The following NTRK1 variants were observed in gnomAD, a reference collection of about 807,000 sequenced individuals.
The protein encoded by NTRK1 is high affinity nerve growth factor receptor.
NTRK1 carries 62 observed loss-of-function variants against 86.8 expected under a neutral mutation model. That is an observed-to-expected ratio of 0.71 (90% CI 0.58 to 0.88). The LOEUF (loss-of-function observed/expected upper bound fraction) is 0.88, where lower values mean the gene tolerates loss of function less well. Among genes scored for constraint, NTRK1 ranks in the 40% least tolerant of loss-of-function variants. The probability of loss-of-function intolerance (pLI) is 0.00; values close to 1 mark genes in which losing one functional copy is unlikely to be tolerated. For missense variants in NTRK1, 967 were observed against 1,078.4 expected (o/e 0.90, Z 1.45); for synonymous variants, 469 against 456.6 (o/e 1.03, Z -0.35).
chr1:156,820,287 C>T (rs894999766), intron 1 of NTRK1, among the ~76,000 whole-genome samples: 1 of 152,200 alleles, frequency 6.6e-6, no homozygotes, highest in Non-Finnish European at 1.5e-5. Context: ...CACTCTGTCA[C>T]CAAGGCTGTA....
chr1:156,838,918 C>G (rs1265708203), intron 1 of NTRK1, among the ~76,000 whole-genome samples: 1 of 152,226 alleles, frequency 6.6e-6, no homozygotes, highest in Non-Finnish European at 1.5e-5. Context: ...CCTGTGTGCT[C>G]TGTGTGAGTG....
chr1:156,854,735 T>A lies in NTRK1; in HGVS notation c.51-9619T>A, dbSNP rs769255777. 2.0e-5 allele frequency among the ~76,000 whole-genome samples: 3 copies of A among 152,126 alleles called. No homozygotes were observed. Among genetic ancestry groups the A allele is most frequent in the Admixed American group, 6.5e-5 (1 of 15,276 alleles). On this transcript the variant is annotated intron_variant, in intron 2 of 16. Transcript: ENST00000392302. The surrounding 1 kb of genome is among the most constrained non-coding windows in gnomAD (Gnocchi z 4.2). ...GTCAACACCTTCACAGCTTCCACCA[T>A]CATCTTCCCCTGGATTGACAGTCAT...
At position 156,861,041 on chromosome 1, in the gene NTRK1, G is replaced by T; in HGVS notation, c.107G>T (p.Cys36Phe). The part of the protein sequence containing the change: ...LILASAGAAP[C>F]PDACCPHGSS... Reference sequence around the variant, plus strand: ...CTGGCATCTGCGGGCGCCGCACCCTGCCCCGATGCCTGCTGCCCCCACGGC... The same window carrying T: ...CTGGCATCTGCGGGCGCCGCACCCTTCCCCGATGCCTGCTGCCCCCACGGC... The change falls in exon 1 of 17, where the codon TGC becomes TTC. Residue 36 changes from cysteine to phenylalanine, a missense_variant. Transcript: ENST00000524377. 6.4e-7 allele frequency: 1 copy of T among 1,552,500 alleles called. No homozygotes were observed.
chr1:156,818,439 G>A (rs1275420947), intron 1 of NTRK1, among the ~76,000 whole-genome samples: 1 of 152,174 alleles, frequency 6.6e-6, no homozygotes, highest in Non-Finnish European at 1.5e-5. Context: ...CACCCAAGCA[G>A]TGTACACTGT....
chr1:156,831,247 G>T (rs1654461763), intron 1 of NTRK1, among the ~76,000 whole-genome samples: 1 of 152,204 alleles, frequency 6.6e-6, no homozygotes, highest in South Asian at 2.1e-4. Flanking sequence ...AGGATGTGGA[G>T]GCGGGATGGT....
intron 2 of NTRK1, chr1:156,853,695 C>T: frequency 6.6e-7 from 1 of 1,518,852 alleles, no homozygotes; most frequent in African/African-American, 1.4e-5. Flanking sequence ...GGCCACCCAG[C>T]CCCATGTGAC....
intron 4 of NTRK1, among the ~76,000 whole-genome samples, 198 bp from the exon 5 acceptor site, chr1:156,867,906 C>G (rs1263366743): frequency 6.8e-6 from 1 of 146,272 alleles, no homozygotes; most frequent in Admixed American, 6.8e-5. Context: ...ATCTTCTGAC[C>G]TTGTGATCCG....
chr1:156,875,795 C>T, intron 12 of NTRK1, 129 bp downstream of exon 12: 1 of 1,351,580 alleles, frequency 7.4e-7, no homozygotes, highest in Non-Finnish European at 1.0e-6. Context: ...AGCCCTATTC[C>T]AGCCATAGGC....
intron 3 of NTRK1, among the ~76,000 whole-genome samples, chr1:156,866,037 T>A (rs1198202817): frequency 6.6e-6 from 1 of 152,212 alleles, no homozygotes; most frequent in Non-Finnish European, 1.5e-5. Context: ...ATTTCATAGA[T>A]GAGAATTCTG....
At chr1:156,867,817 G>GCA (rs1647253294) in intron 4 of NTRK1, among the ~76,000 whole-genome samples, 1 of 151,868 alleles carries the variant, frequency 6.6e-6, no homozygotes, top group Non-Finnish European at 1.5e-5. Flanking sequence ...GGGACTACAG[G>GCA]TGCCCGCCAC....
chr1:156,829,812 C>T (rs1379494207), intron 1 of NTRK1, among the ~76,000 whole-genome samples: 1 of 152,124 alleles, frequency 6.6e-6, no homozygotes, highest in Non-Finnish European at 1.5e-5. Context: ...GCCACCGCAT[C>T]CGGCGAATTT....
intron 1 of NTRK1, among the ~76,000 whole-genome samples, chr1:156,824,137 C>T (rs934265565): frequency 3.3e-5 from 5 of 152,188 alleles, no homozygotes; most frequent in African/African-American, 1.2e-4. Flanking sequence ...GAGCCCTGCC[C>T]AGCTGGCCAG....
intron 4 of NTRK1, 68 bp from the exon 5 acceptor site, chr1:156,868,036 T>C (rs1647271814): frequency 6.3e-7 from 1 of 1,586,602 alleles, no homozygotes. Context: ...GCCTAACTGC[T>C]CCCTCTTATC....
At chr1:156,845,533 A>AAAACCCCCCCCCCCC in intron 2 of NTRK1, 4 of 728,006 alleles carry the variant, frequency 5.5e-6, no homozygotes, top group African/African-American at 2.1e-5. Context: ...GCAAGGCCCC[A>AAAACCCCCCCCCCCC]CCCACAAACC....
chr1:156,846,544 G>A lies in NTRK1; in HGVS notation c.50+4351G>A, dbSNP rs537871557. 54 of 1,614,064 alleles carry A rather than the reference G, an allele frequency of 3.3e-5. No individual in the cohort carries two copies. The highest frequency in any genetic ancestry group is 2.2e-4 in the Admixed American group (13 of 60,018). On this transcript the variant is annotated intron_variant, in intron 2 of 16. Coordinates refer to the NTRK1 transcript ENST00000392302. Reference sequence around the variant, plus strand: ...CTGCAGGCAGCGTTCGGAGGTAGACGATGGGACTCTGGGCTCCTTGATGAG... The same window carrying A: ...CTGCAGGCAGCGTTCGGAGGTAGACAATGGGACTCTGGGCTCCTTGATGAG...
At chr1:156,842,402 G>T (rs780997619) in intron 2 of NTRK1, 2 of 1,613,776 alleles carry the variant, frequency 1.2e-6, no homozygotes, top group Admixed American at 1.7e-5. Context: ...CCCTACCTCT[G>T]CCTCAGGCCG....
rs769539870 is a variant in NTRK1 at position 156,873,736 on chromosome 1, T to C, written c.954T>C (p.Asn318=). 3.0e-5 allele frequency: 49 copies of C among 1,613,056 alleles called. 2 individuals carry two copies. Among genetic ancestry groups the C allele is most frequent in the East Asian group, 2.2e-4 (10 of 44,870 alleles). ...CACCGTCTCTGCGCTGGCTCTTCAA[T>C]GGCTCCGTGCTCAATGAGACCAGCT... The part of the protein sequence containing the change: ...QPAPSLRWLF[N]GSVLNETSFI... The change falls in exon 8 of 17, where the codon AAT becomes AAC. Residue 318 remains asparagine (N), a synonymous_variant. Transcript: ENST00000524377.
chr1:156,871,288 C>A (rs1458842422), intron 6 of NTRK1, among the ~76,000 whole-genome samples: 1 of 152,174 alleles, frequency 6.6e-6, no homozygotes, highest in African/African-American at 2.4e-5. Flanking sequence ...GGCGCAGTGG[C>A]TCACGCCTGT....
At chr1:156,870,984 G>A (rs1048572085) in intron 6 of NTRK1, among the ~76,000 whole-genome samples, 11 of 152,152 alleles carry the variant, frequency 7.2e-5, no homozygotes, top group African/African-American at 2.7e-4. Context: ...AGGCGATGCC[G>A]CTGCTGTTGT....
Sources: gnomAD v4.1 joint callset for allele counts (sites outside exome capture counted in the v4.1 genomes callset) on GRCh38, gnomAD v4.1.1 for gene constraint, Gnocchi (gnomAD v3.1) non-coding constraint, MANE v1.5 for transcripts, NCBI Gene and HGNC (gene_info 2026-07-23, HGNC 2026-07-21) for gene names.